SRPK2: variants seen among roughly 807,000 people sequenced by gnomAD.
The protein encoded by SRPK2 is SRSF protein kinase 2, also known as SFRS protein kinase 2.
Under a neutral mutation model 90.8 loss-of-function variants are expected in SRPK2, and 21 were observed. That is an observed-to-expected ratio of 0.23 (90% confidence interval 0.16 to 0.33). SRPK2 has a LOEUF of 0.33. Ranked by LOEUF, SRPK2 falls within the 10% of genes least tolerant of loss-of-function variation. The pLI, the probability that SRPK2 is intolerant of heterozygous loss-of-function variation, is 1.00. For synonymous variants in SRPK2, 288 were observed against 311.1 expected, an observed-to-expected ratio of 0.93 and a Z score of 0.78; for missense variants, 620 against 869.0, an observed-to-expected ratio of 0.71 and a Z score of 3.60.
intron 3 of SRPK2, among the ~76,000 whole-genome samples, chr7:105,171,738 A>C (rs1791182068): frequency 6.6e-6 from 1 of 152,338 alleles, no homozygotes; most frequent in African/African-American, 2.4e-5. Context: ...TTTGAATCTC[A>C]AGGTGTATGA....
At chr7:105,168,631 A>G (rs1790386550) in intron 4 of SRPK2, among the ~76,000 whole-genome samples, 1 of 152,010 alleles carries the variant, frequency 6.6e-6, no homozygotes, top group Non-Finnish European at 1.5e-5. Context: ...CCTAATTAAA[A>G]TAAGACTAGA....
intron 2 of SRPK2, among the ~76,000 whole-genome samples, chr7:105,221,197 G>A (rs1336674950): frequency 1.3e-5 from 2 of 152,074 alleles, no homozygotes; most frequent in Non-Finnish European, 2.9e-5. Flanking sequence ...GTCATTATGA[G>A]GGACTTGTAT....
At chr7:105,311,301 G>A (rs1240317229) in intron 2 of SRPK2, among the ~76,000 whole-genome samples, 1 of 152,014 alleles carries the variant, frequency 6.6e-6, no homozygotes, top group East Asian at 1.9e-4. Context: ...GGCGCGATCT[G>A]GACTTACTGC....
At chr7:105,299,542 A>G (rs1341875110) in intron 2 of SRPK2, among the ~76,000 whole-genome samples, 1 of 152,252 alleles carries the variant, frequency 6.6e-6, no homozygotes, top group Non-Finnish European at 1.5e-5. Context: ...CTGGAGAGAT[A>G]TAACGGTCCC....
intron 2 of SRPK2, among the ~76,000 whole-genome samples, chr7:105,280,155 C>T (rs1023629124): frequency 6.6e-6 from 1 of 152,136 alleles, no homozygotes; most frequent in Admixed American, 6.5e-5. Context: ...GTGGCTCACG[C>T]CTGTACCCCA....
intron 3 of SRPK2, among the ~76,000 whole-genome samples, chr7:105,192,150 C>T (rs1402034617): frequency 6.6e-6 from 1 of 151,810 alleles, no homozygotes. Context: ...TTTTGGTGCA[C>T]CCATCACCGA....
At chr7:105,315,360 G>A (rs1255285556) in intron 2 of SRPK2, among the ~76,000 whole-genome samples, 1 of 152,016 alleles carries the variant, frequency 6.6e-6, no homozygotes, top group Non-Finnish European at 1.5e-5. Flanking sequence ...TGAGATGCTG[G>A]GCAATTCATT....
At chr7:105,387,753 T>G (rs1048364448) in intron 2 of SRPK2, among the ~76,000 whole-genome samples, 6 of 152,176 alleles carry the variant, frequency 3.9e-5, no homozygotes, top group Admixed American at 3.9e-4. Flanking sequence ...GAGGAAGAGA[T>G]AACGATGTCG....
At chr7:105,119,679 AAC>A (rs1362010788) in intron 15 of SRPK2, among the ~76,000 whole-genome samples, 2 of 152,202 alleles carry the variant, frequency 1.3e-5, no homozygotes, top group Admixed American at 1.3e-4. Context: ...TGTTGAAGGA[AAC>A]ACAGTCTCCA....
At chr7:105,285,103 T>C (rs903352597) in intron 2 of SRPK2, among the ~76,000 whole-genome samples, 6 of 152,160 alleles carry the variant, frequency 3.9e-5, no homozygotes, top group Admixed American at 1.3e-4. Context: ...AACAGTATTT[T>C]GGCCAGGTGC....
At chr7:105,153,769 G>T (rs1286494320) in intron 7 of SRPK2, among the ~76,000 whole-genome samples, 1 of 152,122 alleles carries the variant, frequency 6.6e-6, no homozygotes, top group African/African-American at 2.4e-5. Context: ...AGCACCCAGA[G>T]AAACCCACGT....
At chr7:105,229,903 T>TTTTA (rs919405354) in intron 2 of SRPK2, among the ~76,000 whole-genome samples, 1 of 152,184 alleles carries the variant, frequency 6.6e-6, no homozygotes, top group African/African-American at 2.4e-5. Context: ...GCACGACAGT[T>TTTTA]TTTATTTTAA....
chr7:105,160,463 C>G, intron 7 of SRPK2, 44 bp downstream of exon 7: 1 of 1,144,740 alleles, frequency 8.7e-7, no homozygotes, highest in Non-Finnish European at 1.3e-6. Flanking sequence ...GAAAGCCTAA[C>G]CAATTAGGTA....
At chr7:105,265,014 G>T (rs1244095148) in intron 2 of SRPK2, among the ~76,000 whole-genome samples, 1 of 152,174 alleles carries the variant, frequency 6.6e-6, no homozygotes, top group Non-Finnish European at 1.5e-5. Context: ...TGACAAAAAT[G>T]ATAGTACGGT....
intron 3 of SRPK2, among the ~76,000 whole-genome samples, chr7:105,196,026 T>C (rs1794874651): frequency 6.6e-6 from 1 of 152,206 alleles, no homozygotes; most frequent in Non-Finnish European, 1.5e-5. Flanking sequence ...TCATCAAGCC[T>C]CAATGAATAA....
chr7:105,329,722 A>T (rs1027921303), intron 2 of SRPK2, among the ~76,000 whole-genome samples: 2 of 152,086 alleles, frequency 1.3e-5, no homozygotes, highest in African/African-American at 2.4e-5. Flanking sequence ...AAACAGAAGA[A>T]AGGGCTCATC....
At chr7:105,263,665 T>G (rs1804639271) in intron 2 of SRPK2, among the ~76,000 whole-genome samples, 1 of 152,158 alleles carries the variant, frequency 6.6e-6, no homozygotes, top group Admixed American at 6.5e-5. Context: ...GTTAAGATCC[T>G]AAAACTCCTA....
At chr7:105,190,487 CTTTT>C (rs1171617526) in intron 3 of SRPK2, among the ~76,000 whole-genome samples, 4 of 152,078 alleles carry the variant, frequency 2.6e-5, no homozygotes, top group African/African-American at 7.2e-5. Flanking sequence ...TCTCTGCATC[CTTTT>C]TTTGTTTGTT....
intron 2 of SRPK2, among the ~76,000 whole-genome samples, chr7:105,375,439 T>TG (rs1563305398): frequency 6.6e-6 from 1 of 152,162 alleles, no homozygotes; most frequent in African/African-American, 2.4e-5. Context: ...CCCAACACTT[T>TG]GGGGAGCCAA....
Sources: gnomAD v4.1 joint callset for allele counts (sites outside exome capture counted in the v4.1 genomes callset) on GRCh38, gnomAD v4.1.1 for gene constraint, MANE v1.5 for transcripts, NCBI Gene and HGNC (gene_info 2026-07-23, HGNC 2026-07-21) for gene names.